CRAMP1: variants seen among roughly 807,000 people sequenced by gnomAD.
CRAMP1 encodes cramped chromatin regulator 1.
A neutral mutation model predicts 115.4 loss-of-function variants in CRAMP1; 50 were observed. That is an observed-to-expected ratio of 0.43 (90% CI 0.35 to 0.55). The LOEUF (loss-of-function observed/expected upper bound fraction) is 0.55. Ranked by LOEUF, CRAMP1 falls within the 20% of genes least tolerant of loss-of-function variation. The pLI, the probability that CRAMP1 is intolerant of heterozygous loss-of-function variation, is 0.01. For missense variants in CRAMP1, 1,679 were observed against 1,721.7 expected (o/e 0.98, Z 0.44); for synonymous variants, 866 against 745.4 (o/e 1.16, Z -2.64).
At chr16:1,627,216 G>A (rs546990566) in intron 3 of CRAMP1, among the ~76,000 whole-genome samples, 157 of 152,108 alleles carry the variant, frequency 1.0e-3, no homozygotes, top group African/African-American at 3.4e-3. Context: ...TGCAATCTGG[G>A]CTCACTGCAA....
intron 4 of CRAMP1, among the ~76,000 whole-genome samples, chr16:1,634,115 T>C (rs1008387631): frequency 2.6e-5 from 4 of 152,024 alleles, no homozygotes; most frequent in Non-Finnish European, 5.9e-5. Flanking sequence ...TGGGGGAAGC[T>C]GGCCAGCAGC....
At position 1,649,679 on chromosome 16, in the gene CRAMP1, C is replaced by T. The variant is rs1202900992; in HGVS notation, c.828-2817C>T. Among the ~76,000 whole-genome samples, 7 of 151,348 alleles carry T rather than the reference C, an allele frequency of 4.6e-5. No homozygotes were observed. The South Asian group carries it at 8.4e-4, about 18-fold the overall frequency. ...TAATTTTTTATATTTTTAGTAGAGA[C>T]GGGGTTTCACCGTGTTAACCAGGAT... On this transcript the variant is annotated intron_variant, in intron 6 of 20. Coordinates refer to ENST00000397412, the MANE Select transcript of CRAMP1 (RefSeq NM_020825.4).
At position 1,656,112 on chromosome 16, in the gene CRAMP1, G is replaced by A. The variant is rs2036770170; in HGVS notation, c.1355G>A (p.Ser452Asn). ...CCAGCCCAGATCCTGGGCATCCAGA[G>A]TGGGCAGGGCACGGCCCGGGGCCAG... ...LPPAQILGIQ[S>N]GQGTARGQVK... The change falls in exon 10 of 21, where the codon AGT becomes AAT. Residue 452 changes from serine to asparagine, a missense_variant. Transcript: ENST00000397412. The surrounding 1 kb of genome is among the most constrained non-coding windows in gnomAD (Gnocchi z 5.6). 6.2e-7 allele frequency: 1 copy of A among 1,609,548 alleles called. No homozygotes were observed. The highest frequency in any genetic ancestry group is 8.5e-7 in the Non-Finnish European group (1 of 1,178,798).
At chr16:1,633,418 G>A (rs2036562071) in intron 4 of CRAMP1, among the ~76,000 whole-genome samples, 1 of 152,268 alleles carries the variant, frequency 6.6e-6, no homozygotes, top group African/African-American at 2.4e-5. Context: ...AACGGCTGTT[G>A]GTCTCTGCAC....
chr16:1,643,156 A>G (rs1361182059), intron 6 of CRAMP1, among the ~76,000 whole-genome samples: 1 of 152,158 alleles, frequency 6.6e-6, no homozygotes, highest in African/African-American at 2.4e-5. Flanking sequence ...TGCGTGATAG[A>G]GTGTAGTCTC....
intron 6 of CRAMP1, among the ~76,000 whole-genome samples, chr16:1,648,675 T>C (rs1226772248): frequency 6.6e-6 from 1 of 152,170 alleles, no homozygotes; most frequent in East Asian, 1.9e-4. Context: ...TGGTTCCTTC[T>C]GCTGCCGCCC....
At chr16:1,637,043 A>G (rs897710949) in intron 4 of CRAMP1, among the ~76,000 whole-genome samples, 4 of 152,208 alleles carry the variant, frequency 2.6e-5, no homozygotes, top group African/African-American at 9.6e-5. Context: ...CTGTAATCCC[A>G]GCACTTTGGG....
intron 7 of CRAMP1, 149 bp from the exon 8 acceptor site, chr16:1,652,884 C>A: frequency 2.0e-6 from 2 of 978,006 alleles, no homozygotes; most frequent in Non-Finnish European, 3.0e-6. Context: ...ATTGGAGTTT[C>A]TTCTTCGCTG....
chr16:1,617,271 G>T (rs930671196), intron 2 of CRAMP1, among the ~76,000 whole-genome samples: 2 of 152,200 alleles, frequency 1.3e-5, no homozygotes, highest in Admixed American at 6.5e-5. Context: ...CTGCCTGTCC[G>T]CTGCTCTCTG....
chr16:1,664,106 A>G (rs1308237343), intron 13 of CRAMP1, among the ~76,000 whole-genome samples: 1 of 152,166 alleles, frequency 6.6e-6, no homozygotes, highest in Non-Finnish European at 1.5e-5. Flanking sequence ...GGGCATTTCA[A>G]AGGGTCAGAA....
intron 6 of CRAMP1, among the ~76,000 whole-genome samples, chr16:1,643,115 A>C (rs779377972): frequency 3.3e-5 from 5 of 152,212 alleles, no homozygotes; most frequent in African/African-American, 4.8e-5. Flanking sequence ...AGAGTATTCT[A>C]GGGACAACTC....
At chr16:1,658,778 G>T (rs2036798231) in intron 10 of CRAMP1, among the ~76,000 whole-genome samples, 1 of 152,218 alleles carries the variant, frequency 6.6e-6, no homozygotes, top group Non-Finnish European at 1.5e-5. Context: ...GTAGTATGGG[G>T]CTAGGGCCTG....
intron 2 of CRAMP1, 98 bp downstream of exon 2, chr16:1,615,083 AC>A: frequency 1.4e-6 from 1 of 691,394 alleles, no homozygotes; most frequent in South Asian, 7.7e-5. Context: ...ACCCTAGCTC[AC>A]CCATCCCGCG....
intron 2 of CRAMP1, among the ~76,000 whole-genome samples, chr16:1,620,129 C>G (rs775483822): frequency 7.9e-5 from 12 of 152,210 alleles, no homozygotes; most frequent in South Asian, 4.2e-4. Flanking sequence ...ATCCACCAAG[C>G]CCTCACCCAC....
intron 6 of CRAMP1, among the ~76,000 whole-genome samples, chr16:1,646,371 G>C (rs569212760): frequency 6.6e-6 from 1 of 152,178 alleles, no homozygotes; most frequent in Non-Finnish European, 1.5e-5. Context: ...AGCACTCAGC[G>C]TGTTCGGGGT....
intron 6 of CRAMP1, among the ~76,000 whole-genome samples, chr16:1,650,543 T>C (rs1322302715): frequency 6.6e-6 from 1 of 152,256 alleles, no homozygotes; most frequent in Non-Finnish European, 1.5e-5. Context: ...GCTCATCTCA[T>C]CGAAGCTAAC....
chr16:1,642,598 C>A (rs2036641757), intron 6 of CRAMP1, among the ~76,000 whole-genome samples: 1 of 152,226 alleles, frequency 6.6e-6, no homozygotes, highest in Non-Finnish European at 1.5e-5. Flanking sequence ...GCTCTACCTC[C>A]ATCAGGCAGT....
intron 5 of CRAMP1, among the ~76,000 whole-genome samples, chr16:1,640,480 T>C (rs1243966523): frequency 1.3e-5 from 2 of 152,156 alleles, no homozygotes; most frequent in Admixed American, 6.5e-5. Flanking sequence ...GGAGTTTTTT[T>C]CCCTAAAACA....
Position 1,668,194 on chromosome 16 carries a change from G to A in CRAMP1, c.3334+1G>A. ...ATCGCCATCAGCTCCGGTCAGTACGGTAAGGGCAGGGCGGCCTCACAGCCC... is the reference window on the plus strand; with the variant it reads ...ATCGCCATCAGCTCCGGTCAGTACGATAAGGGCAGGGCGGCCTCACAGCCC... On this transcript the variant is annotated splice_donor_variant, in intron 18 of 20. Transcript: ENST00000397412. LOFTEE classifies it high-confidence loss of function. The A allele has an allele frequency of 3.7e-6, 6 of 1,609,856 alleles. No individual in the cohort carries two copies. Among genetic ancestry groups the A allele is most frequent in the Non-Finnish European group, 5.1e-6 (6 of 1,176,670 alleles).
Sources: allele counts gnomAD v4.1 joint callset (sites outside exome capture counted in the v4.1 genomes callset), GRCh38; gene constraint gnomAD v4.1.1; non-coding constraint Gnocchi (gnomAD v3.1); transcripts MANE v1.5; gene names NCBI Gene and HGNC (gene_info 2026-07-23, HGNC 2026-07-21).